Variants in RUNDC3B observed in about 807,000 individuals in gnomAD.
RUNDC3B encodes the protein RUN domain containing 3B.
RUNDC3B carries 33 observed loss-of-function variants against 58.4 expected under a neutral mutation model. The observed-to-expected ratio is 0.56, with a 90% CI of 0.43 to 0.75. RUNDC3B has a LOEUF of 0.75. Ranked by LOEUF, RUNDC3B falls within the 30% of genes least tolerant of loss-of-function variation. RUNDC3B has a pLI of 0.00. For synonymous variants in RUNDC3B, 193 were observed against 195.2 expected (o/e 0.99, Z 0.10); for missense variants, 501 against 535.7 (o/e 0.94, Z 0.64).
At chr7:87,667,427 C>A (rs1179282965) in intron 2 of RUNDC3B, among the ~76,000 whole-genome samples, 1 of 151,756 alleles carries the variant, frequency 6.6e-6, no homozygotes, top group Non-Finnish European at 1.5e-5. Context: ...AGAATCATGT[C>A]ATCTGCAAAC....
chr7:87,663,750 G>T (rs377221747), intron 2 of RUNDC3B, among the ~76,000 whole-genome samples: 3 of 152,118 alleles, frequency 2.0e-5, no homozygotes, highest in African/African-American at 7.2e-5. Flanking sequence ...TTAAGTAACA[G>T]AAATTTATTT....
chr7:87,753,422 G>C (rs1484029938), intron 6 of RUNDC3B, among the ~76,000 whole-genome samples: 2 of 151,948 alleles, frequency 1.3e-5, no homozygotes, highest in African/African-American at 4.8e-5. Context: ...CAATTCCTGG[G>C]TATCCTTGTT....
chr7:87,651,237 T>C (rs1420457497), intron 2 of RUNDC3B, among the ~76,000 whole-genome samples: 5 of 152,152 alleles, frequency 3.3e-5, no homozygotes, highest in Non-Finnish European at 1.5e-5. Flanking sequence ...CTAGATGGTG[T>C]TTTAATCAAT....
chr7:87,823,243 AT>A (rs1442301365), intron 10 of RUNDC3B, among the ~76,000 whole-genome samples: 2 of 151,804 alleles, frequency 1.3e-5, no homozygotes, highest in African/African-American at 2.4e-5. Context: ...TATCTGTAAT[AT>A]TTTTTCCACA....
chr7:87,805,838 T>C lies in RUNDC3B; in HGVS notation c.957-1535T>C, dbSNP rs538627043. On this transcript the variant is annotated intron_variant, in intron 8 of 10. Transcript: ENST00000394654. ...CTAGATTCCCTCAAGAAATGGAATA[T>C]ATGATAGAGAAAAACCTAAGAGAAT... 2.0e-5 allele frequency among the ~76,000 whole-genome samples: 3 copies of C among 152,294 alleles called. No individual in the cohort carries two copies. In the East Asian group the frequency reaches 5.8e-4, roughly 29 times the overall value.
intron 8 of RUNDC3B, among the ~76,000 whole-genome samples, chr7:87,795,618 C>A (rs1835773568): frequency 6.6e-6 from 1 of 151,918 alleles, no homozygotes; most frequent in South Asian, 2.1e-4. Flanking sequence ...TGGCTCAAGC[C>A]TGTAATCCCA....
At chr7:87,640,500 C>T (rs551768927) in intron 1 of RUNDC3B, among the ~76,000 whole-genome samples, 32 of 151,970 alleles carry the variant, frequency 2.1e-4, no homozygotes, top group Non-Finnish European at 4.3e-4. Flanking sequence ...TGCACCACCA[C>T]ACCCAGCTAA....
chr7:87,700,390 A>C (rs757042767), intron 2 of RUNDC3B, 31 bp from the exon 3 acceptor site: 6 of 1,535,016 alleles, frequency 3.9e-6, no homozygotes, highest in Admixed American at 2.2e-5. Context: ...TTTACTTTTT[A>C]AAATTTTATA....
chr7:87,736,877 ATATATATATATATTTTTTTT>A lies in RUNDC3B; in HGVS notation c.459-2912_459-2893del, dbSNP rs1486038019. Reference sequence around the variant, plus strand: ...TACCTATATATATATATATATATATATATATATATATATTTTTTTTTTTTTTTTTTTTTTTTTTGAGAAAG... The same window carrying A: ...TACCTATATATATATATATATATATATTTTTTTTTTTTTTTTTTGAGAAAG... On this transcript the variant is annotated intron_variant, in intron 4 of 10. Coordinates refer to ENST00000394654, the MANE Select transcript of RUNDC3B (RefSeq NM_001134405.2). Among the ~76,000 whole-genome samples, 13 of 34,042 alleles carry A rather than the reference ATATATATATATATTTTTTTT, an allele frequency of 3.8e-4. No individual in the cohort carries two copies. In the South Asian group the frequency reaches 6.4e-3, roughly 17 times the overall value. The allele number at this position is 34,042 out of a possible 152,430, so 22.3% of individuals were successfully genotyped here. A position where few individuals can be genotyped will look rare whatever the true frequency, so the allele number is the denominator to read the frequency against.
intron 10 of RUNDC3B, among the ~76,000 whole-genome samples, chr7:87,820,450 A>G (rs1464029998): frequency 2.6e-5 from 4 of 152,206 alleles, no homozygotes. Flanking sequence ...GCTGAATTCT[A>G]CCAGAGGTAC....
chr7:87,657,259 T>C (rs1824201687), intron 2 of RUNDC3B, among the ~76,000 whole-genome samples: 1 of 152,088 alleles, frequency 6.6e-6, no homozygotes, highest in Admixed American at 6.6e-5. Flanking sequence ...GCCAGGAACC[T>C]GCAAATTTCA....
At chr7:87,640,196 A>G (rs1481929231) in intron 1 of RUNDC3B, among the ~76,000 whole-genome samples, 1 of 149,270 alleles carries the variant, frequency 6.7e-6, no homozygotes, top group African/African-American at 2.4e-5. Context: ...ATATGTGTAT[A>G]TATATATATA....
At chr7:87,663,836 C>T (rs1824955221) in intron 2 of RUNDC3B, among the ~76,000 whole-genome samples, 1 of 152,094 alleles carries the variant, frequency 6.6e-6, no homozygotes, top group Non-Finnish European at 1.5e-5. Context: ...CTCCTTCTGG[C>T]TTGTAGGTGG....
chr7:87,725,777 G>A (rs1201733944), intron 4 of RUNDC3B, among the ~76,000 whole-genome samples: 8 of 151,984 alleles, frequency 5.3e-5, no homozygotes, highest in Non-Finnish European at 1.0e-4. Flanking sequence ...TTTAATAATC[G>A]CCATTCTAAC....
At chr7:87,751,120 C>T (rs1185056236) in intron 6 of RUNDC3B, among the ~76,000 whole-genome samples, 1 of 152,154 alleles carries the variant, frequency 6.6e-6, no homozygotes, top group Non-Finnish European at 1.5e-5. Flanking sequence ...TTCCCAGCAC[C>T]ATTTATTAAA....
intron 4 of RUNDC3B, among the ~76,000 whole-genome samples, chr7:87,712,619 A>G (rs950130830): frequency 6.6e-6 from 1 of 152,076 alleles, no homozygotes; most frequent in African/African-American, 2.4e-5. Context: ...TAATTCTTCA[A>G]TAGATTATTT....
chr7:87,709,327 C>T, intron 3 of RUNDC3B: 1 of 985,290 alleles, frequency 1.0e-6, no homozygotes, highest in Non-Finnish European at 1.2e-6. Context: ...GACACCGCTA[C>T]TAGTTTCTGT....
chr7:87,781,889 A>G (rs962943111), intron 8 of RUNDC3B, among the ~76,000 whole-genome samples: 1 of 152,042 alleles, frequency 6.6e-6, no homozygotes, highest in African/African-American at 2.4e-5. Flanking sequence ...GTTTGGTAGT[A>G]TTTTATCAAG....
chr7:87,700,706 A>AAT (rs112670959), intron 3 of RUNDC3B, 152 bp downstream of exon 3: 21,386 of 671,884 alleles, frequency 0.032, 417 homozygotes, highest in Middle Eastern at 0.04. Context: ...ACATTTCTTG[A>AAT]ATTATCTAAA....
Sources: gnomAD v4.1 joint callset for allele counts (sites outside exome capture counted in the v4.1 genomes callset) on GRCh38, gnomAD v4.1.1 for gene constraint, MANE v1.5 for transcripts, NCBI Gene and HGNC (gene_info 2026-07-23, HGNC 2026-07-21) for gene names.